The following HNRNPUL1 variants were observed in gnomAD, a reference collection of about 807,000 sequenced individuals.
The protein encoded by HNRNPUL1 is heterogeneous nuclear ribonucleoprotein U like 1.
HNRNPUL1 carries 14 observed loss-of-function variants against 108.5 expected under a neutral mutation model. The ratio of observed to expected loss-of-function variants is 0.13; its 90% CI spans 0.09 to 0.20. HNRNPUL1 has a LOEUF of 0.20. Ranked by LOEUF, HNRNPUL1 falls within the 10% of genes least tolerant of loss-of-function variation. The pLI, the probability that HNRNPUL1 is intolerant of heterozygous loss-of-function variation, is 1.00. For missense variants in HNRNPUL1, 804 were observed against 1,168.3 expected (o/e 0.69, Z 4.55); for synonymous variants, 422 against 445.2 (o/e 0.95, Z 0.66).
intron 10 of HNRNPUL1, among the ~76,000 whole-genome samples, chr19:41,296,165 TGAA>T (rs1399408492): frequency 1.3e-5 from 2 of 152,238 alleles, no homozygotes; most frequent in African/African-American, 4.8e-5. Context: ...AAATCAGCTG[TGAA>T]ACTCATTTCA....
chr19:41,264,289 C>A (rs1212177123), upstream of HNRNPUL1: 2 of 410,768 alleles, frequency 4.9e-6, no homozygotes, highest in East Asian at 7.2e-5. Context: ...CGGGCCCGCG[C>A]CCGTTGCCCC....
chr19:41,272,388 A>C (rs2035294773), intron 3 of HNRNPUL1, 153 bp downstream of exon 3: 1 of 781,768 alleles, frequency 1.3e-6, no homozygotes, highest in Non-Finnish European at 2.0e-6. Context: ...ACTTGCTACC[A>C]GATTCAGCTT....
chr19:41,301,622 C>G lies in HNRNPUL1; in HGVS notation c.1605C>G (p.Asp535Glu). The G allele has an allele frequency of 6.2e-7, 1 of 1,614,060 alleles. No individual in the cohort carries two copies. The highest frequency in any genetic ancestry group is 8.5e-7 in the Non-Finnish European group (1 of 1,179,990). The stretch of plus-strand genomic sequence containing the variant: ...AAGCTATTGTAATTTGTCCCACTGA[C>G]GAGGACCTAAAAGACCGAACAATAA... ...QRKAIVICPT[D>E]EDLKDRTIKR... The change falls in exon 11 of 15, where the codon GAC becomes GAG. Residue 535 changes from aspartate to glutamate, a missense_variant. Transcript: ENST00000392006.
At chr19:41,272,017 A>C in intron 2 of HNRNPUL1, 65 bp from the exon 3 acceptor site, 2 of 1,560,430 alleles carry the variant, frequency 1.3e-6, no homozygotes, top group South Asian at 2.3e-5. Context: ...GGGAAAAGGG[A>C]CCAGAAAAGT....
chr19:41,304,175 G>A lies in HNRNPUL1; in HGVS notation c.2176G>A (p.Ala726Thr), dbSNP rs2037407736. The A allele has an allele frequency of 6.2e-7, 1 of 1,614,112 alleles. No individual in the cohort carries two copies. The highest frequency in any genetic ancestry group is 8.5e-7 in the Non-Finnish European group (1 of 1,180,032). ...CAGCCCTGCTCGGAACCCCCCAGGGGCCAGCACCTACAATAAGAACAGCAA... is the reference window on the plus strand; with the variant it reads ...CAGCCCTGCTCGGAACCCCCCAGGGACCAGCACCTACAATAAGAACAGCAA... ...SYSPARNPPGASTYNKNSNIP... is the reference protein window; with the variant it reads ...SYSPARNPPGTSTYNKNSNIP... Residue 726 changes from alanine to threonine, a missense_variant, in exon 13 of 15, where the codon GCC (alanine) becomes ACC (threonine). By Grantham distance (58) the Ala-to-Thr change is moderately conservative. Coordinates refer to ENST00000392006, the MANE Select transcript of HNRNPUL1 (RefSeq NM_007040.6).
At chr19:41,272,582 A>G (rs1297915486) in intron 3 of HNRNPUL1, among the ~76,000 whole-genome samples, 1 of 152,148 alleles carries the variant, frequency 6.6e-6, no homozygotes, top group Admixed American at 6.5e-5. Flanking sequence ...CTACTCCCAA[A>G]TACACATCCT....
In HNRNPUL1 at chr19:41,291,240, A is replaced by G. The variant is rs145146503; in HGVS notation, c.1000-1005A>G. 3.5e-3 allele frequency among the ~76,000 whole-genome samples: 536 copies of G among 152,310 alleles called. 3 individuals carry two copies. Among genetic ancestry groups the G allele is most frequent in the Middle Eastern group, 6.8e-3 (2 of 294 alleles). ...TATATACAAGCAACTGAGAAACCTC[A>G]GAAACTTGCTTCTAGGTAGGTCATC... On this transcript the variant is annotated intron_variant, in intron 7 of 14. Transcript: ENST00000392006.
At chr19:41,275,374 C>A (rs2035487836) in intron 4 of HNRNPUL1, among the ~76,000 whole-genome samples, 1 of 152,084 alleles carries the variant, frequency 6.6e-6, no homozygotes, top group African/African-American at 2.4e-5. Context: ...GTAGTCCCAG[C>A]TGTTCAGGAG....
intron 13 of HNRNPUL1, 140 bp from the exon 14 acceptor site, chr19:41,305,536 C>T: frequency 9.6e-7 from 1 of 1,044,544 alleles, no homozygotes; most frequent in Non-Finnish European, 1.4e-6. Flanking sequence ...CCTTCTCAGC[C>T]CACAAACAAT....
intron 3 of HNRNPUL1, 91 bp from the exon 4 acceptor site, chr19:41,273,891 G>A (rs2035391795): frequency 9.8e-7 from 1 of 1,015,416 alleles, no homozygotes; most frequent in South Asian, 1.4e-5. Context: ...GCAGTCTGGA[G>A]GCCACTCATA....
intron 7 of HNRNPUL1, among the ~76,000 whole-genome samples, chr19:41,284,342 G>A (rs1023640356): frequency 3.9e-5 from 6 of 152,266 alleles, no homozygotes; most frequent in South Asian, 4.1e-4. Flanking sequence ...GTGCTAGCAG[G>A]TGCTAAATCC....
chr19:41,283,973 C>G (rs2036058521), intron 7 of HNRNPUL1, among the ~76,000 whole-genome samples: 2 of 152,244 alleles, frequency 1.3e-5, no homozygotes, highest in South Asian at 2.1e-4. Context: ...TCAATTGTTG[C>G]AAGTTTCTAC....
At chr19:41,303,279 A>G (rs955402290) in intron 12 of HNRNPUL1, among the ~76,000 whole-genome samples, 5 of 151,684 alleles carry the variant, frequency 3.3e-5, no homozygotes, top group Admixed American at 2.6e-4. Context: ...TGGGGGCTAC[A>G]TCTTTGGCCA....
chr19:41,263,974 C>A (rs970533142), upstream of HNRNPUL1, among the ~76,000 whole-genome samples: 3 of 152,202 alleles, frequency 2.0e-5, no homozygotes, highest in East Asian at 1.9e-4. Context: ...GGGAGATGTA[C>A]ACCAATCGGA....
chr19:41,301,311 G>A (rs995474556), intron 10 of HNRNPUL1, among the ~76,000 whole-genome samples: 1 of 152,188 alleles, frequency 6.6e-6, no homozygotes, highest in African/African-American at 2.4e-5. Flanking sequence ...CAACCATTAG[G>A]AATCCTTTGC....
intron 6 of HNRNPUL1, among the ~76,000 whole-genome samples, chr19:41,280,751 C>A (rs1369506367): frequency 6.6e-6 from 1 of 152,156 alleles, no homozygotes; most frequent in Non-Finnish European, 1.5e-5. Context: ...GGGGTCAGTC[C>A]TCATGGTCTC....
At chr19:41,290,766 G>A (rs1204883251) in intron 7 of HNRNPUL1, among the ~76,000 whole-genome samples, 1 of 152,114 alleles carries the variant, frequency 6.6e-6, no homozygotes, top group Non-Finnish European at 1.5e-5. Context: ...CTTCTAAAAT[G>A]GGATCATAGG....
chr19:41,274,598 A>C (rs192627932), intron 4 of HNRNPUL1, among the ~76,000 whole-genome samples: 2 of 152,234 alleles, frequency 1.3e-5, no homozygotes, highest in East Asian at 3.9e-4. Flanking sequence ...TTCACTGTGC[A>C]TCTGAGCATT....
At position 41,279,195 on chromosome 19, in the gene HNRNPUL1, T is replaced by C. The variant is rs762738046; in HGVS notation, c.886+19T>C. On this transcript the variant is annotated intron_variant, in intron 6 of 14. Transcript: ENST00000392006. ...CAGCTAGGTAAGGAGGGGTCAGCTA[T>C]GCAGTCCAGAGAATAGAGTGACTGT... The C allele has an allele frequency of 1.4e-5, 21 of 1,541,792 alleles. No homozygotes were observed. Among genetic ancestry groups the C allele is most frequent in the Non-Finnish European group, 1.6e-5 (18 of 1,117,018 alleles).
Sources: allele counts gnomAD v4.1 joint callset (sites outside exome capture counted in the v4.1 genomes callset), GRCh38; gene constraint gnomAD v4.1.1; transcripts MANE v1.5; gene names NCBI Gene and HGNC (gene_info 2026-07-23, HGNC 2026-07-21).